The following GAS2L1 variants were observed in gnomAD, a reference collection of about 807,000 sequenced individuals.
The protein encoded by GAS2L1 is GAS2-like protein 1.
Under a neutral mutation model 44.0 loss-of-function variants are expected in GAS2L1, and 26 were observed. The ratio of observed to expected loss-of-function variants is 0.59; its 90% CI spans 0.43 to 0.82. The LOEUF (loss-of-function observed/expected upper bound fraction) is 0.82. GAS2L1 is among the 40% of genes least tolerant of loss of function. The probability of loss-of-function intolerance (pLI) is 0.00; values close to 1 mark genes in which losing one functional copy is unlikely to be tolerated. For missense variants in GAS2L1, 1,006 were observed against 983.0 expected (o/e 1.02, Z -0.31); for synonymous variants, 426 against 415.9 (o/e 1.02, Z -0.30).
At chr22:29,312,039 C>G (rs751209803) in exon 5 of GAS2L1, 1 of 1,612,482 alleles carries the variant, frequency 6.2e-7, no homozygotes, top group African/African-American at 1.3e-5. Flanking sequence ...GGCCAATGCC[C>G]GGGCCCTTGA....
At chr22:29,310,659 G>T in exon 3 of GAS2L1, 1 of 1,606,860 alleles carries the variant, frequency 6.2e-7, no homozygotes, top group Non-Finnish European at 8.5e-7. Flanking sequence ...CCACGTGATG[G>T]TGCGAGTGGG....
At chr22:29,311,019 G>A in intron 4 of GAS2L1, 21 bp downstream of exon 5, 1 of 1,603,342 alleles carries the variant, frequency 6.2e-7, no homozygotes, top group Non-Finnish European at 8.5e-7. Flanking sequence ...GGAGGACGAG[G>A]AGTGAGGGGT....
chr22:29,308,328 G>T (rs770816847), exon 1 of GAS2L1: 2 of 1,604,732 alleles, frequency 1.2e-6, no homozygotes, highest in Non-Finnish European at 1.7e-6. Context: ...GGCTGCCCGT[G>T]CATTGGCAGC....
exon 4 of GAS2L1, chr22:29,310,834 C>T (rs1043006289): frequency 1.2e-5 from 19 of 1,609,424 alleles, no homozygotes; most frequent in African/African-American, 9.3e-5. Context: ...CAGCTCATCG[C>T]CCACCCCAGC....
At chr22:29,308,519 G>A (rs2061372174) in exon 1 of GAS2L1, 1 of 1,608,136 alleles carries the variant, frequency 6.2e-7, no homozygotes, top group Non-Finnish European at 8.5e-7. Flanking sequence ...GCGTGGTGCT[G>A]TGCCTGCTGG....
intron 1 of GAS2L1, 184 bp from the exon 3 acceptor site, chr22:29,310,255 A>AT (rs960830831): frequency 2.7e-5 from 10 of 367,970 alleles, no homozygotes; most frequent in African/African-American, 4.3e-5. Flanking sequence ...AAAAAAAAAA[A>AT]AATAAAAAAA....
chr22:29,312,534 T>A, exon 5 of GAS2L1: 1 of 1,423,604 alleles, frequency 7.0e-7, no homozygotes. Flanking sequence ...CCATCCCTTC[T>A]CCTTTTCCTT....
chr22:29,311,890 C>A (rs2147905248), exon 5 of GAS2L1: 1 of 1,600,300 alleles, frequency 6.2e-7, no homozygotes, highest in South Asian at 1.1e-5. Flanking sequence ...GCCCGCAGCC[C>A]TGCAGCACCC....
intron 2 of GAS2L1, 39 bp downstream of exon 3, chr22:29,310,585 G>C: frequency 6.3e-7 from 1 of 1,581,124 alleles, no homozygotes; most frequent in Non-Finnish European, 8.7e-7. Context: ...AGCAGCCAAG[G>C]TGGTGGGCTG....
chr22:29,310,519 G>A (rs1428827458), exon 2 of GAS2L1: 3 of 1,610,402 alleles, frequency 1.9e-6, no homozygotes, highest in Non-Finnish European at 2.5e-6. Context: ...ACCGTGTGGG[G>A]GACTCGAGCC....
rs1013934538 is a variant in GAS2L1 at position 29,312,096 on chromosome 22, C to A, written c.1645C>A (p.Arg549=). ...CACTGGACCAGCCCCTGACCCAGCT[C>A]GGGCCCCCGACCCTCCAGCTCCTGA... The change falls in exon 5 of 5, where the codon CGG becomes AGG. Residue 549 remains arginine, a synonymous_variant. Transcript: ENST00000618518. 1.9e-6 allele frequency: 3 copies of A among 1,612,772 alleles called. No homozygotes were observed. In the Admixed American group the frequency reaches 5.0e-5, roughly 27 times the overall value.
upstream of GAS2L1, chr22:29,306,933 C>G (rs1223463595): frequency 6.6e-6 from 1 of 152,178 alleles, no homozygotes. Context: ...CCAGCTCCCG[C>G]CGGCTCGGGG....
exon 5 of GAS2L1, chr22:29,311,586 C>T (rs781521413): frequency 4.5e-5 from 69 of 1,540,768 alleles, no homozygotes; most frequent in Admixed American, 2.0e-4. Context: ...CACTGGCCCC[C>T]GGAGGGAGCG....
At chr22:29,308,593 A>G in exon 1 of GAS2L1, 1 of 1,599,276 alleles carries the variant, frequency 6.3e-7, no homozygotes, top group Non-Finnish European at 8.5e-7. Context: ...TTTGAGCAGG[A>G]GATTGAGCGG....
rs2061421851 is a variant in GAS2L1 at position 29,312,491 on chromosome 22, G to T, written c.2040G>T (p.Trp680Cys). Residue 680 changes from tryptophan (W) to cysteine (C), a missense_variant, in exon 5 of 5, where the codon TGG (tryptophan) becomes TGT (cysteine). Trp to Cys is a radical substitution (Grantham distance 215). Coordinates refer to ENST00000618518, the Ensembl canonical transcript of GAS2L1. ...CCCCGAGGGCTGAGCCAGATTCCTG[G>T]ATGTGATGGACCAGCTCAGCTGTCC... 4 of 1,507,790 alleles carry T rather than the reference G, an allele frequency of 2.7e-6. 1 individual carries two copies. The highest frequency in any genetic ancestry group is 3.5e-6 in the Non-Finnish European group (4 of 1,127,410). 93.4% of individuals were successfully genotyped at this position (1,507,790 alleles called of 1,614,324 possible). A position where few individuals can be genotyped will look rare whatever the true frequency, so the allele number is the denominator to read the frequency against.
In GAS2L1 at chr22:29,308,793, A is replaced by G. The variant is rs112582307; in HGVS notation, c.633+55A>G. On this transcript the variant is annotated intron_variant, in intron 1 of 4. Transcript: ENST00000618518. ...CCCGACAGCACAGCCAGTGCCTGCA[A>G]TCTGTCCCTGAACCTCCCAGGGTCC... is the stretch of plus-strand genomic sequence containing the variant. The G allele has an allele frequency of 1.9e-5, 26 of 1,382,492 alleles. No homozygotes were observed. In the African/African-American group the frequency reaches 2.8e-4, roughly 15 times the overall value. The allele number at this position is 1,382,492 out of a possible 1,614,324, so 85.6% of individuals were successfully genotyped here.
chr22:29,311,306 G>A (rs2061403011), intron 4 of GAS2L1, 156 bp from the exon 6 acceptor site: 1 of 585,824 alleles, frequency 1.7e-6, no homozygotes, highest in Non-Finnish European at 3.0e-6. Flanking sequence ...GCCGCTGGAG[G>A]AAGCTGCTCA....
chr22:29,311,670 G>A (rs1453739558), exon 5 of GAS2L1: 1 of 1,525,194 alleles, frequency 6.6e-7, no homozygotes, highest in East Asian at 2.5e-5. Context: ...CCAGTCCCGA[G>A]ACCGGCTGGA....
chr22:29,312,443 A>G (rs2061420975), exon 5 of GAS2L1: 2 of 1,534,306 alleles, frequency 1.3e-6, no homozygotes, highest in African/African-American at 1.4e-5. Context: ...AGCTGGGGAC[A>G]TGGCATGCCC....
Sources: gnomAD v4.1 joint callset for allele counts on GRCh38, gnomAD v4.1.1 for gene constraint, MANE v1.5 for transcripts, NCBI Gene and HGNC (gene_info 2026-07-23, HGNC 2026-07-21) for gene names.